SEPTIN11: variants seen among roughly 807,000 people sequenced by gnomAD.
SEPTIN11 encodes the protein septin 11, also known as septin-11.
A neutral mutation model predicts 51.4 loss-of-function variants in SEPTIN11; 25 were observed. That is an observed-to-expected ratio of 0.49 (90% CI 0.35 to 0.68). SEPTIN11 has a LOEUF of 0.68. SEPTIN11 is among the 30% of genes least tolerant of loss of function. The probability of loss-of-function intolerance (pLI) is 0.00; values close to 1 mark genes in which losing one functional copy is unlikely to be tolerated. For synonymous variants in SEPTIN11, 174 were observed against 184.1 expected (o/e 0.95, Z 0.44); for missense variants, 381 against 520.8 (o/e 0.73, Z 2.61).
At chr4:76,979,899 C>G (rs1332826449) in intron 1 of SEPTIN11, among the ~76,000 whole-genome samples, 1 of 151,642 alleles carries the variant, frequency 6.6e-6, no homozygotes, top group Non-Finnish European at 1.5e-5. Flanking sequence ...CATTATTTTC[C>G]TGATGGCTGG....
chr4:76,980,422 G>A (rs1422109023), intron 1 of SEPTIN11, among the ~76,000 whole-genome samples: 8 of 152,180 alleles, frequency 5.3e-5, no homozygotes, highest in African/African-American at 1.7e-4. Context: ...GATAGGAAGT[G>A]GAACTGAGAA....
intron 8 of SEPTIN11, among the ~76,000 whole-genome samples, chr4:77,029,478 T>C (rs1726433786): frequency 6.6e-6 from 1 of 152,154 alleles, no homozygotes; most frequent in Admixed American, 6.5e-5. Flanking sequence ...GTTTTCTTGT[T>C]TTAATTTATT....
chr4:76,986,139 G>T (rs574885463), intron 1 of SEPTIN11, among the ~76,000 whole-genome samples: 1 of 152,322 alleles, frequency 6.6e-6, no homozygotes, highest in African/African-American at 2.4e-5. Flanking sequence ...TGATTAAACA[G>T]TGGGCTTTTT....
intron 1 of SEPTIN11, among the ~76,000 whole-genome samples, chr4:76,994,776 A>G (rs55850080): frequency 0.52 from 78,749 of 151,302 alleles, 21,349 homozygotes; most frequent in Middle Eastern, 0.62. Context: ...GTGACCACAA[A>G]CATTTGAAAT....
At chr4:77,031,956 A>G (rs1368462120) in intron 9 of SEPTIN11, 1 of 152,204 alleles carries the variant, frequency 6.6e-6, no homozygotes, top group Non-Finnish European at 1.5e-5. Context: ...ATGTAAAAAC[A>G]TTGATGCTCA....
At chr4:76,980,325 TA>T (rs756323285) in intron 1 of SEPTIN11, among the ~76,000 whole-genome samples, 10 of 152,242 alleles carry the variant, frequency 6.6e-5, no homozygotes, top group Non-Finnish European at 8.8e-5. Flanking sequence ...CATCAGGTTT[TA>T]CAGTGATTGT....
At chr4:76,959,440 A>C (rs557752327) in intron 1 of SEPTIN11, among the ~76,000 whole-genome samples, 1 of 152,156 alleles carries the variant, frequency 6.6e-6, no homozygotes, top group East Asian at 1.9e-4. Flanking sequence ...ACTCAAAAAA[A>C]AAAATTTGTA....
intron 1 of SEPTIN11, among the ~76,000 whole-genome samples, chr4:76,954,636 C>G (rs1207336307): frequency 6.6e-6 from 1 of 152,196 alleles, no homozygotes; most frequent in Non-Finnish European, 1.5e-5. Context: ...GCTGGGCGAT[C>G]TAAAATGAAA....
At position 77,034,646 on chromosome 4, in the gene SEPTIN11, T is replaced by C. The variant is rs1726905750; in HGVS notation, c.*134T>C. The C allele has an allele frequency of 7.5e-7, 1 of 1,341,184 alleles. No individual in the cohort carries two copies. Among genetic ancestry groups the C allele is most frequent in the Admixed American group, 4.0e-5 (1 of 25,228 alleles). The allele number at this position is 1,341,184 out of a possible 1,614,324, so 83.1% of individuals were successfully genotyped here. A position where few individuals can be genotyped will look rare whatever the true frequency, so the allele number is the denominator to read the frequency against. ...CTTCCTCAAACACCAGTAACTATTA[T>C]TAACTCGTTTTGCTGAATGTTGTTG... On this transcript the variant is annotated 3_prime_UTR_variant, in exon 10 of 10. Coordinates refer to ENST00000264893, the MANE Select transcript of SEPTIN11 (RefSeq NM_018243.4).
downstream of SEPTIN11, chr4:77,039,073 C>T (rs1235163164): frequency 3.1e-6 from 4 of 1,288,554 alleles, no homozygotes; most frequent in South Asian, 2.5e-5. Context: ...TCTTCTGTAG[C>T]TTCTTCTTTA....
chr4:76,989,121 TCTC>T (rs1723206359), intron 1 of SEPTIN11, among the ~76,000 whole-genome samples: 1 of 152,138 alleles, frequency 6.6e-6, no homozygotes, highest in Admixed American at 6.5e-5. Context: ...TTTGATTAAA[TCTC>T]CTCACTTTAC....
chr4:77,031,024 G>C (rs746487309), intron 9 of SEPTIN11, 54 bp downstream of exon 9: 2 of 1,490,170 alleles, frequency 1.3e-6, no homozygotes, highest in African/African-American at 1.4e-5. Flanking sequence ...TATTCCTCTT[G>C]CATGTCTCTA....
intron 1 of SEPTIN11, among the ~76,000 whole-genome samples, chr4:76,952,870 G>A (rs573918592): frequency 1.8e-4 from 28 of 152,256 alleles, no homozygotes; most frequent in South Asian, 1.2e-3. Flanking sequence ...TCCAAATCCC[G>A]GGGCAGCTAT....
intron 1 of SEPTIN11, among the ~76,000 whole-genome samples, chr4:76,995,305 C>CT (rs1214838208): frequency 6.6e-6 from 1 of 152,010 alleles, no homozygotes; most frequent in East Asian, 1.9e-4. Context: ...TCACTTGAAC[C>CT]TAGGAGGCAG....
At chr4:77,026,269 A>G (rs1726135608) in intron 7 of SEPTIN11, among the ~76,000 whole-genome samples, 1 of 152,214 alleles carries the variant, frequency 6.6e-6, no homozygotes, top group Admixed American at 6.5e-5. Context: ...AAGACAATCA[A>G]GTTGAATAGA....
chr4:76,995,779 A>C, intron 1 of SEPTIN11: 2 of 1,516,556 alleles, frequency 1.3e-6, no homozygotes, highest in Non-Finnish European at 1.8e-6. Context: ...ACCTTACCCT[A>C]GTCTACATCG....
intron 1 of SEPTIN11, 46 bp downstream of exon 1, chr4:76,949,976 C>G (rs373605506): frequency 1.2e-5 from 17 of 1,424,290 alleles, no homozygotes; most frequent in Non-Finnish European, 1.6e-5. Flanking sequence ...GCCGGGTGGT[C>G]TCTGCTCTGG....
chr4:77,036,497 T>G lies in SEPTIN11; in HGVS notation c.*1985T>G, dbSNP rs1164252533. 5 of 1,320,280 alleles carry G rather than the reference T, an allele frequency of 3.8e-6. No homozygotes were observed. The highest frequency in any genetic ancestry group is 3.4e-5 in the East Asian group (1 of 29,844). The allele number at this position is 1,320,280 out of a possible 1,614,324, so 81.8% of individuals were successfully genotyped here. A position where few individuals can be genotyped will look rare whatever the true frequency, so the allele number is the denominator to read the frequency against. Reference sequence around the variant, plus strand: ...AAATTGTCTCTTGCATCACTAAAATTTTTTTAAAATGAGCATAACAACGAA... The same window carrying G: ...AAATTGTCTCTTGCATCACTAAAATGTTTTTAAAATGAGCATAACAACGAA... On this transcript the variant is annotated 3_prime_UTR_variant, in exon 10 of 10. Coordinates refer to ENST00000264893, the MANE Select transcript of SEPTIN11 (RefSeq NM_018243.4).
intron 1 of SEPTIN11, among the ~76,000 whole-genome samples, chr4:76,989,360 A>C (rs1276790492): frequency 6.6e-6 from 1 of 152,242 alleles, no homozygotes. Flanking sequence ...TAAAGGTAAA[A>C]ATTAAATATT....
Sources: gnomAD v4.1 joint callset for allele counts (sites outside exome capture counted in the v4.1 genomes callset) on GRCh38, gnomAD v4.1.1 for gene constraint, MANE v1.5 for transcripts, NCBI Gene and HGNC (gene_info 2026-07-23, HGNC 2026-07-21) for gene names.